Variants in SPIRE1 observed in about 807,000 individuals in gnomAD.
SPIRE1 encodes protein spire homolog 1.
Under a neutral mutation model 94.1 loss-of-function variants are expected in SPIRE1, and 40 were observed. The ratio of observed to expected loss-of-function variants is 0.43; its 90% CI spans 0.33 to 0.55. The LOEUF is 0.55. Among genes scored for constraint, SPIRE1 ranks in the 20% least tolerant of loss-of-function variants. The pLI, the probability that SPIRE1 is intolerant of heterozygous loss-of-function variation, is 0.06. For synonymous variants in SPIRE1, 376 were observed against 371.7 expected, an observed-to-expected ratio of 1.01 and a Z score of -0.13; for missense variants, 838 against 975.2, an observed-to-expected ratio of 0.86 and a Z score of 1.87.
intron 4 of SPIRE1, among the ~76,000 whole-genome samples, chr18:12,532,039 G>A (rs1216360711): frequency 2.6e-5 from 4 of 152,152 alleles, no homozygotes; most frequent in Non-Finnish European, 5.9e-5. Context: ...AAATTTCTTA[G>A]GAGACACAGT....
chr18:12,460,084 G>C (rs185526066), intron 12 of SPIRE1, among the ~76,000 whole-genome samples: 1 of 152,340 alleles, frequency 6.6e-6, no homozygotes, highest in Admixed American at 6.5e-5. Context: ...GCGAACATCT[G>C]CATCCACACG....
At chr18:12,515,384 C>T (rs1315795605) in intron 4 of SPIRE1, among the ~76,000 whole-genome samples, 2 of 151,858 alleles carry the variant, frequency 1.3e-5, no homozygotes, top group Admixed American at 6.6e-5. Flanking sequence ...GGTGTGGTGG[C>T]GCTTGCCTGT....
intron 2 of SPIRE1, among the ~76,000 whole-genome samples, chr18:12,549,976 T>C (rs2035302920): frequency 6.6e-6 from 1 of 152,216 alleles, no homozygotes; most frequent in African/African-American, 2.4e-5. Context: ...AGTCATTTTA[T>C]ATCATCTTTC....
At chr18:12,634,272 AAT>A (rs2037863817) in intron 2 of SPIRE1, among the ~76,000 whole-genome samples, 1 of 146,126 alleles carries the variant, frequency 6.8e-6, no homozygotes, top group African/African-American at 2.5e-5. Flanking sequence ...AAAAAAAAAA[AAT>A]AATAATAATA....
chr18:12,547,505 G>C (rs569653739), intron 2 of SPIRE1, among the ~76,000 whole-genome samples: 1 of 152,054 alleles, frequency 6.6e-6, no homozygotes, highest in South Asian at 2.1e-4. Flanking sequence ...ATACCACCTC[G>C]ACAACTGCTC....
At chr18:12,617,690 G>A (rs9961851) in intron 2 of SPIRE1, among the ~76,000 whole-genome samples, 59,034 of 151,770 alleles carry the variant, frequency 0.39, 12,151 homozygotes, top group East Asian at 0.6. Context: ...GATTACAGGC[G>A]TGAGCCACCA....
chr18:12,458,223 T>G (rs998444702), intron 12 of SPIRE1, among the ~76,000 whole-genome samples: 10 of 151,998 alleles, frequency 6.6e-5, no homozygotes, highest in Admixed American at 5.2e-4. Flanking sequence ...TTACCCAAAA[T>G]AACCATTGCT....
upstream of SPIRE1, chr18:12,658,175 C>T: frequency 4.8e-6 from 4 of 827,570 alleles, no homozygotes; most frequent in Non-Finnish European, 6.4e-6. Flanking sequence ...CCTTAGGGGG[C>T]CGCACGGGCC....
In SPIRE1 at chr18:12,546,682, C is replaced by T; in HGVS notation, c.595G>A (p.Val199Ile). Residue 199 changes from valine to isoleucine, a missense_variant, in exon 3 of 17, where the codon GTC becomes ATC. Transcript: ENST00000409402. ...ATAAAACGCTGCCTTACCTTCATGA[C>T]ATCTCTATATGACCGAATAGCTGAG... ...KISAIRSYRD[V>I]MKLCAAHLPT... The T allele has an allele frequency of 6.2e-7, 1 of 1,611,472 alleles. No individual in the cohort carries two copies. Among genetic ancestry groups the T allele is most frequent in the South Asian group, 1.1e-5 (1 of 91,018 alleles).
chr18:12,613,354 C>CA (rs2037196463), intron 2 of SPIRE1, among the ~76,000 whole-genome samples: 1 of 152,202 alleles, frequency 6.6e-6, no homozygotes, highest in Non-Finnish European at 1.5e-5. Flanking sequence ...GACCCTTTGA[C>CA]ATGCTGCTCC....
At chr18:12,606,617 A>G (rs994990212) in intron 2 of SPIRE1, among the ~76,000 whole-genome samples, 3 of 149,748 alleles carry the variant, frequency 2.0e-5, no homozygotes, top group African/African-American at 7.4e-5. Flanking sequence ...TGCAACCTCC[A>G]CCTCCCAGGT....
At chr18:12,480,294 G>T (rs557663692) in intron 9 of SPIRE1, among the ~76,000 whole-genome samples, 2 of 152,224 alleles carry the variant, frequency 1.3e-5, no homozygotes, top group South Asian at 4.1e-4. Context: ...AAATAAAAAT[G>T]GCTAATAATC....
intron 2 of SPIRE1, among the ~76,000 whole-genome samples, chr18:12,619,424 C>T (rs1029206880): frequency 6.6e-6 from 1 of 151,986 alleles, no homozygotes; most frequent in African/African-American, 2.4e-5. Context: ...AGGAGAATGG[C>T]GTGAACCTGG....
At position 12,450,409 on chromosome 18, in the gene SPIRE1, G is replaced by A. The variant is rs541701566; in HGVS notation, c.2013-513C>T. The A allele has an allele frequency of 2.1e-5, 9 of 425,862 alleles. No homozygotes were observed. The South Asian group carries it at 4.7e-4, about 22-fold the overall frequency. 26.4% of individuals were successfully genotyped at this position (425,862 alleles called of 1,614,324 possible). ...GAAAGCAGAAAACATGTCTTATTAA[G>A]ACAGGCACTGCCCAGACTATCGAAC... On this transcript the variant is annotated intron_variant, in intron 16 of 16. Coordinates refer to ENST00000409402, the MANE Select transcript of SPIRE1 (RefSeq NM_001128626.2).
intron 2 of SPIRE1, among the ~76,000 whole-genome samples, chr18:12,595,705 G>A (rs1414366468): frequency 6.6e-6 from 1 of 152,184 alleles, no homozygotes; most frequent in Non-Finnish European, 1.5e-5. Flanking sequence ...CATAGTCCTT[G>A]CCCTCAAAGG....
chr18:12,484,837 T>C (rs1160737924), intron 9 of SPIRE1, among the ~76,000 whole-genome samples: 3 of 152,170 alleles, frequency 2.0e-5, no homozygotes, highest in Non-Finnish European at 4.4e-5. Context: ...GTTGGTGAAT[T>C]GCTTGAGCCC....
At chr18:12,502,302 G>T (rs1016490231) in intron 6 of SPIRE1, among the ~76,000 whole-genome samples, 1 of 152,110 alleles carries the variant, frequency 6.6e-6, no homozygotes. Flanking sequence ...CAATATCAAA[G>T]ATGACAGTTA....
At position 12,603,028 on chromosome 18, in the gene SPIRE1, A is replaced by G. The variant is rs118145546; in HGVS notation, c.372+32034T>C. 3.4e-3 allele frequency among the ~76,000 whole-genome samples: 521 copies of G among 152,308 alleles called. 1 individual carries two copies. Among genetic ancestry groups the G allele is most frequent in the Non-Finnish European group, 6.0e-3 (409 of 68,030 alleles). ...TGAAAATACCATATAGTGAAAATGC[A>G]TCTAATACACATAACCTACAAAACA... is the stretch of plus-strand genomic sequence containing the variant. On this transcript the variant is annotated intron_variant, in intron 2 of 16. Transcript: ENST00000409402.
intron 2 of SPIRE1, among the ~76,000 whole-genome samples, chr18:12,556,947 G>A (rs139936975): frequency 7.2e-5 from 11 of 152,238 alleles, no homozygotes; most frequent in South Asian, 2.1e-4. Flanking sequence ...TCCATTTCAC[G>A]GAGAGCTGAT....
Sources: allele counts gnomAD v4.1 joint callset (sites outside exome capture counted in the v4.1 genomes callset), GRCh38; gene constraint gnomAD v4.1.1; transcripts MANE v1.5; gene names NCBI Gene and HGNC (gene_info 2026-07-23, HGNC 2026-07-21).